Variants in ARHGAP6 observed in about 807,000 individuals in gnomAD.
ARHGAP6 encodes Rho GTPase activating protein 6.
ARHGAP6 carries 16 observed loss-of-function variants against 55.7 expected under a neutral mutation model. The observed-to-expected ratio is 0.29, with a 90% CI of 0.19 to 0.44. The LOEUF (loss-of-function observed/expected upper bound fraction) is 0.44, where lower values mean the gene tolerates loss of function less well. Among genes scored for constraint, ARHGAP6 ranks in the 20% least tolerant of loss-of-function variants. The pLI is 1.00. For missense variants in ARHGAP6, 698 were observed against 808.9 expected (o/e 0.86, Z 1.66); for synonymous variants, 382 against 360.9 (o/e 1.06, Z -0.66).
intron 1 of ARHGAP6, among the ~76,000 whole-genome samples, chrX:11,532,079 T>C (rs1308012059): frequency 8.9e-6 from 1 of 112,478 alleles, no homozygotes; most frequent in African/African-American, 3.2e-5. Context: ...GGGTGGAGGT[T>C]AGAGAAAGAT....
At chrX:11,409,843 C>T (rs1277389168) in intron 1 of ARHGAP6, among the ~76,000 whole-genome samples, 1 of 112,431 alleles carries the variant, frequency 8.9e-6, no homozygotes, top group Non-Finnish European at 1.9e-5. Context: ...TGTGGTGGCA[C>T]ATGCCCATAC....
At chrX:11,488,794 C>T (rs140614603) in intron 1 of ARHGAP6, among the ~76,000 whole-genome samples, 20 of 111,522 alleles carry the variant, frequency 1.8e-4, no homozygotes, top group Non-Finnish European at 3.4e-4. Flanking sequence ...TGAGGTGGAA[C>T]AACACTTCCA....
chrX:11,578,531 T>C lies in ARHGAP6; in HGVS notation c.588+85710A>G, dbSNP rs142992325. ...CTATCATTAAAAAGTCAGGAAACAA[T>C]AGGTGCTGGAGAGGATGTGGAGAAA... On this transcript the variant is annotated intron_variant, in intron 1 of 12. Transcript: ENST00000337414. Among the ~76,000 whole-genome samples the C allele has an allele frequency of 5.6e-3, 619 of 111,304 alleles. 2 individuals carry two copies. Among genetic ancestry groups the C allele is most frequent in the African/African-American group, 0.019 (588 of 30,618 alleles).
chrX:11,433,327 A>T (rs1414216950), intron 1 of ARHGAP6, among the ~76,000 whole-genome samples: 2 of 112,391 alleles, frequency 1.8e-5, no homozygotes, highest in Non-Finnish European at 3.8e-5. Flanking sequence ...TGACCATTAC[A>T]GTAGGTTCTA....
At chrX:11,189,874 G>C (rs16986367) in intron 3 of ARHGAP6, among the ~76,000 whole-genome samples, 2,644 of 111,986 alleles carry the variant, frequency 0.024, 87 homozygotes, top group African/African-American at 0.082. Context: ...CAATATTTTA[G>C]ATTCATGCTG....
At chrX:11,360,229 C>G (rs1383266213) in intron 1 of ARHGAP6, among the ~76,000 whole-genome samples, 1 of 110,136 alleles carries the variant, frequency 9.1e-6, no homozygotes, top group African/African-American at 3.3e-5. Context: ...ACCAATATCC[C>G]TGATGAACAT....
chrX:11,274,418 T>C (rs769283888), intron 1 of ARHGAP6, among the ~76,000 whole-genome samples: 1 of 111,065 alleles, frequency 9.0e-6, no homozygotes, highest in African/African-American at 3.3e-5. Context: ...CAAAGTTGAG[T>C]AGTTGCAACA....
In ARHGAP6 at chrX:11,165,909, T is replaced by A. The variant is rs1602759541; in HGVS notation, c.1809+3596A>T. 5.4e-5 allele frequency among the ~76,000 whole-genome samples: 6 copies of A among 112,107 alleles called. 2 individuals are homozygous for A. Among genetic ancestry groups the A allele is most frequent in the Non-Finnish European group, 1.9e-5 (1 of 53,207 alleles). ...TGTCTAAGTTTCCTTGCAACTCTGCTGCACACTCAAGTTTGAGAACCACCA... is the reference window on the plus strand; with the variant it reads ...TGTCTAAGTTTCCTTGCAACTCTGCAGCACACTCAAGTTTGAGAACCACCA... On this transcript the variant is annotated intron_variant, in intron 9 of 12. Transcript: ENST00000337414.
At chrX:11,273,744 C>T (rs951974496) in intron 1 of ARHGAP6, among the ~76,000 whole-genome samples, 3 of 110,646 alleles carry the variant, frequency 2.7e-5, no homozygotes, top group African/African-American at 9.9e-5. Flanking sequence ...TAGTGGTGCA[C>T]AGTAAGGATT....
intron 2 of ARHGAP6, among the ~76,000 whole-genome samples, chrX:11,249,334 G>A (rs949295731): frequency 9.0e-6 from 1 of 111,288 alleles, no homozygotes; most frequent in Non-Finnish European, 1.9e-5. Context: ...ATACTGCTTG[G>A]GTGATGGCTG....
chrX:11,604,066 G>C (rs997124701), intron 1 of ARHGAP6, among the ~76,000 whole-genome samples: 1 of 111,368 alleles, frequency 9.0e-6, no homozygotes, highest in African/African-American at 3.3e-5. Context: ...TCTAATCACA[G>C]CAACATCGGG....
At chrX:11,616,140 G>T (rs1433446908) in intron 1 of ARHGAP6, among the ~76,000 whole-genome samples, 1 of 109,958 alleles carries the variant, frequency 9.1e-6, no homozygotes, top group Non-Finnish European at 1.9e-5. Context: ...ATTATTTCTG[G>T]CAAGAATGGA....
At chrX:11,203,237 T>G (rs1384485716) in intron 2 of ARHGAP6, among the ~76,000 whole-genome samples, 2 of 112,042 alleles carry the variant, frequency 1.8e-5, no homozygotes, top group Non-Finnish European at 3.8e-5. Context: ...TCTGATAACT[T>G]TTCTAAATTA....
At chrX:11,577,936 C>A (rs2051621117) in intron 1 of ARHGAP6, among the ~76,000 whole-genome samples, 1 of 111,392 alleles carries the variant, frequency 9.0e-6, no homozygotes, top group Admixed American at 9.6e-5. Context: ...TCAGGGGCCA[C>A]ATCATAGTCA....
intron 1 of ARHGAP6, among the ~76,000 whole-genome samples, chrX:11,550,041 G>A (rs2051250829): frequency 8.9e-6 from 1 of 112,087 alleles, no homozygotes; most frequent in African/African-American, 3.2e-5. Flanking sequence ...TTGGTTGAAT[G>A]AATGAGTAAA....
Position 11,498,001 on chromosome X carries a change from T to A in ARHGAP6, c.588+166240A>T, listed in dbSNP as rs1168662844. Among the ~76,000 whole-genome samples the A allele has an allele frequency of 1.1e-4, 12 of 111,832 alleles. No individual in the cohort carries two copies. The Admixed American group carries it at 1.1e-3, about 11-fold the overall frequency. On this transcript the variant is annotated intron_variant, in intron 1 of 12. Transcript: ENST00000337414. Reference sequence around the variant, plus strand: ...AGAATATAAGTCAGCATATCATTATTGTTGCTGTAAGCTTGAATTTGATTG... The same window carrying A: ...AGAATATAAGTCAGCATATCATTATAGTTGCTGTAAGCTTGAATTTGATTG...
At chrX:11,232,281 A>C (rs1336046056) in intron 2 of ARHGAP6, among the ~76,000 whole-genome samples, 1 of 111,386 alleles carries the variant, frequency 9.0e-6, no homozygotes, top group Non-Finnish European at 1.9e-5. Flanking sequence ...CGTTCTACTC[A>C]CTACCTCCCT....
intron 1 of ARHGAP6, among the ~76,000 whole-genome samples, chrX:11,584,569 G>A (rs2051703457): frequency 8.9e-6 from 1 of 111,750 alleles, no homozygotes; most frequent in South Asian, 3.8e-4. Flanking sequence ...ATATCTTCCT[G>A]AACAGCATTC....
chrX:11,605,144 G>A (rs1310445623), intron 1 of ARHGAP6, among the ~76,000 whole-genome samples: 1 of 111,866 alleles, frequency 8.9e-6, no homozygotes, highest in African/African-American at 3.2e-5. Context: ...CAAGGGACAG[G>A]AGGAGGGAGG....
Sources: gnomAD v4.1 joint callset for allele counts (sites outside exome capture counted in the v4.1 genomes callset) on GRCh38, gnomAD v4.1.1 for gene constraint, MANE v1.5 for transcripts, NCBI Gene and HGNC (gene_info 2026-07-23, HGNC 2026-07-21) for gene names.